The following RFX2 variants were observed in gnomAD, a reference collection of about 807,000 sequenced individuals.
The protein encoded by RFX2 is DNA-binding protein RFX2.
RFX2 carries 20 observed loss-of-function variants against 87.8 expected under a neutral mutation model. The observed-to-expected ratio is 0.23, with a 90% CI of 0.16 to 0.33. RFX2 has a LOEUF of 0.33. RFX2 is among the 10% of genes least tolerant of loss of function. RFX2 has a pLI of 1.00. For missense variants in RFX2, 767 were observed against 1,012.3 expected (o/e 0.76, Z 3.29); for synonymous variants, 397 against 431.3 (o/e 0.92, Z 0.98).
At chr19:6,005,526 G>A (rs111638245) in intron 12 of RFX2, among the ~76,000 whole-genome samples, 2,695 of 152,308 alleles carry the variant, frequency 0.018, 90 homozygotes, top group African/African-American at 0.062. Flanking sequence ...GGTGGGTGCT[G>A]TCATTGCCTC....
chr19:6,091,474 T>A (rs906576487), intron 1 of RFX2, among the ~76,000 whole-genome samples: 8 of 149,144 alleles, frequency 5.4e-5, no homozygotes, highest in Non-Finnish European at 8.9e-5. Context: ...GTGAATTGTA[T>A]GTGAATTTTA....
chr19:6,038,709 T>C (rs909886630), intron 5 of RFX2, among the ~76,000 whole-genome samples: 13 of 152,086 alleles, frequency 8.5e-5, no homozygotes, highest in Non-Finnish European at 1.9e-4. Flanking sequence ...GCATCTACAC[T>C]CACATGAAAA....
rs1448356348 is a variant in RFX2, at chr19:6,004,598, A to G, written c.1403-300T>C. Among the ~76,000 whole-genome samples, 1 of 151,754 alleles carries G rather than the reference A, an allele frequency of 6.6e-6. No individual in the cohort carries two copies. The highest frequency in any genetic ancestry group is 1.5e-5 in the Non-Finnish European group (1 of 67,920). On this transcript the variant is annotated intron_variant, in intron 12 of 17. Transcript: ENST00000303657. The surrounding 1 kb of genome is among the most constrained non-coding windows in gnomAD (Gnocchi z 4.8). ...TGACTGCAGGGTGCCTCAGGCATGG[A>G]GTGGGTGGAGGCTAGGGATGCTCCT... is the stretch of plus-strand genomic sequence containing the variant.
Position 6,022,943 on chromosome 19 carries a change from C to A in RFX2, c.597+3220G>T, listed in dbSNP as rs77991620. Among the ~76,000 whole-genome samples the A allele has an allele frequency of 4.4e-3, 668 of 152,338 alleles. 7 individuals carry two copies. The East Asian group carries it at 0.071, about 16-fold the overall frequency. ...TCCTGAGACAGCGCAGAGGAGGGAACCAGCTCCGCGGAACACGTGGCCAGC... is the reference window on the plus strand; with the variant it reads ...TCCTGAGACAGCGCAGAGGAGGGAAACAGCTCCGCGGAACACGTGGCCAGC... On this transcript the variant is annotated intron_variant, in intron 6 of 17. Coordinates refer to ENST00000303657, the MANE Select transcript of RFX2 (RefSeq NM_000635.4). This position sits in a 1 kb window ranked among gnomAD's most constrained non-coding sequence, Gnocchi z 6.2.
chr19:6,001,033 C>T lies in RFX2; in HGVS notation c.1859+782G>A, dbSNP rs2086483754. On this transcript the variant is annotated intron_variant, in intron 15 of 17. Transcript: ENST00000303657. This position sits in a 1 kb window ranked among gnomAD's most constrained non-coding sequence, Gnocchi z 5.6. ...GACAATCCCTCTGGAAGCCTTGGCT[C>T]CCCTGCCCTGGTCTGCACAGGTTAG... 6.6e-6 allele frequency among the ~76,000 whole-genome samples: 1 copy of T among 152,228 alleles called. No individual in the cohort carries two copies. The highest frequency in any genetic ancestry group is 1.5e-5 in the Non-Finnish European group (1 of 68,042).
intron 1 of RFX2, among the ~76,000 whole-genome samples, chr19:6,086,984 A>C (rs1441439657): frequency 6.6e-6 from 1 of 151,190 alleles, no homozygotes; most frequent in Admixed American, 6.5e-5. Flanking sequence ...ACTGGGCTAC[A>C]GCAGTATGTC....
At chr19:6,080,008 A>C (rs767318412) in intron 1 of RFX2, among the ~76,000 whole-genome samples, 3 of 151,582 alleles carry the variant, frequency 2.0e-5, no homozygotes, top group Non-Finnish European at 2.9e-5. Context: ...AACCAGGTGC[A>C]TCTACTGAGT....
chr19:6,036,730 C>T (rs574856288), intron 5 of RFX2, among the ~76,000 whole-genome samples: 1 of 152,176 alleles, frequency 6.6e-6, no homozygotes, highest in South Asian at 2.1e-4. Flanking sequence ...AAGAAGGGAA[C>T]TTCCTCAACC....
intron 1 of RFX2, among the ~76,000 whole-genome samples, chr19:6,097,288 ATC>A (rs1369438438): frequency 6.6e-6 from 1 of 152,018 alleles, no homozygotes; most frequent in South Asian, 2.1e-4. Flanking sequence ...GGACCCACAC[ATC>A]TCTCTTTCAC....
At chr19:6,096,607 C>A (rs956337424) in intron 1 of RFX2, among the ~76,000 whole-genome samples, 1 of 151,996 alleles carries the variant, frequency 6.6e-6, no homozygotes, top group Non-Finnish European at 1.5e-5. Context: ...CCACCATGCC[C>A]GACTAATTTT....
intron 5 of RFX2, among the ~76,000 whole-genome samples, chr19:6,029,994 G>A (rs1224486643): frequency 6.6e-6 from 1 of 152,204 alleles, no homozygotes. Context: ...AAACTTGTGG[G>A]ACACCACCAA....
chr19:6,019,544 G>GTGTGTGTGTGTGTA (rs386388444), intron 6 of RFX2, among the ~76,000 whole-genome samples: 1 of 143,130 alleles, frequency 7.0e-6, no homozygotes, highest in African/African-American at 2.7e-5. Flanking sequence ...GTGTGTGTGT[G>GTGTGTGTGTGTGTA]TATATACTTT....
chr19:6,031,372 TCAAGGA>T (rs1304163072), intron 5 of RFX2, among the ~76,000 whole-genome samples: 1 of 150,204 alleles, frequency 6.7e-6, no homozygotes, highest in Non-Finnish European at 1.5e-5. Context: ...TACTGCTTCA[TCAAGGA>T]CATTCTTAAA....
intron 3 of RFX2, among the ~76,000 whole-genome samples, chr19:6,042,747 C>T (rs1373845355): frequency 6.6e-6 from 1 of 152,224 alleles, no homozygotes; most frequent in Non-Finnish European, 1.5e-5. Flanking sequence ...AGCACACCCC[C>T]GCTGCCCTGC....
At chr19:6,009,356 A>G (rs2144692524) in intron 9 of RFX2, among the ~76,000 whole-genome samples, 1 of 151,936 alleles carries the variant, frequency 6.6e-6, no homozygotes, top group Admixed American at 6.6e-5. Flanking sequence ...GCCCTCCCTC[A>G]TGGCAGGCTC....
rs1283357011 is a variant in RFX2, at chr19:6,011,609, A to C, written c.900-1358T>G. 6.6e-6 allele frequency among the ~76,000 whole-genome samples: 1 copy of C among 152,238 alleles called. No individual in the cohort carries two copies. Among genetic ancestry groups the C allele is most frequent in the Non-Finnish European group, 1.5e-5 (1 of 68,036 alleles). On this transcript the variant is annotated intron_variant, in intron 8 of 17. Transcript: ENST00000303657. This position sits in a 1 kb window ranked among gnomAD's most constrained non-coding sequence, Gnocchi z 4.8. ...GAGCACAGGTTCACAGCTGTCTGCC[A>C]GGGGCCCAAATTGAACAACAGCAGT...
Position 6,044,084 on chromosome 19 carries a change from C to A in RFX2, c.180+109G>T, listed in dbSNP as rs1331973670. On this transcript the variant is annotated intron_variant, in intron 3 of 17. Transcript: ENST00000303657. The surrounding 1 kb of genome is among the most constrained non-coding windows in gnomAD (Gnocchi z 5.3). ...CTTTTGGCTAAGAAACTGAAGCTTA[C>A]AACAAGGAACAGCAGCCACAGAAAA... is the stretch of plus-strand genomic sequence containing the variant. 1.6e-5 allele frequency: 9 copies of A among 562,782 alleles called. No individual in the cohort carries two copies. The highest frequency in any genetic ancestry group is 2.5e-5 in the Non-Finnish European group (9 of 364,902). The allele number at this position is 562,782 out of a possible 1,614,324, so 34.9% of individuals were successfully genotyped here.
At chr19:6,104,582 A>AG (rs1427655857) in intron 1 of RFX2, among the ~76,000 whole-genome samples, 1 of 151,306 alleles carries the variant, frequency 6.6e-6, no homozygotes, top group East Asian at 1.9e-4. Context: ...AAAAAAAAAA[A>AG]AATTTTTAAG....
Position 6,004,188 on chromosome 19 carries a change from A to G in RFX2, c.1500+13T>C. 6.2e-7 allele frequency: 1 copy of G among 1,608,232 alleles called. No homozygotes were observed. The highest frequency in any genetic ancestry group is 8.5e-7 in the Non-Finnish European group (1 of 1,174,712). ...GCCATCGTTGGGGAGCCCAGGCCCC[A>G]CCCCGGACGCACCTTGGTCTGGATG... On this transcript the variant is annotated intron_variant, in intron 13 of 17. Coordinates refer to ENST00000303657, the MANE Select transcript of RFX2 (RefSeq NM_000635.4). This position sits in a 1 kb window ranked among gnomAD's most constrained non-coding sequence, Gnocchi z 4.8.
Sources: allele counts gnomAD v4.1 joint callset (sites outside exome capture counted in the v4.1 genomes callset), GRCh38; gene constraint gnomAD v4.1.1; non-coding constraint Gnocchi (gnomAD v3.1); transcripts MANE v1.5; gene names NCBI Gene and HGNC (gene_info 2026-07-23, HGNC 2026-07-21).